Variants in DGKB observed in about 807,000 individuals in gnomAD.
The protein encoded by DGKB is diacylglycerol kinase beta, also known as 90 kDa diacylglycerol kinase.
In DGKB, 67 loss-of-function variants were observed where a neutral mutation model predicts 114.3. The ratio of observed to expected loss-of-function variants is 0.59; its 90% CI spans 0.48 to 0.72. The LOEUF is 0.72. Ranked by LOEUF, DGKB falls within the 30% of genes least tolerant of loss-of-function variation. The pLI is 0.00. For synonymous variants in DGKB, 398 were observed against 323.1 expected (o/e 1.23, Z -2.49); for missense variants, 907 against 975.2 (o/e 0.93, Z 0.93).
chr7:14,743,295 C>T (rs1192896963), intron 4 of DGKB, among the ~76,000 whole-genome samples: 1 of 152,084 alleles, frequency 6.6e-6, no homozygotes, highest in East Asian at 1.9e-4. Flanking sequence ...TGTAAATAGA[C>T]TGCCAAGGAA....
chr7:14,189,725 A>G (rs1278130984), intron 23 of DGKB, among the ~76,000 whole-genome samples: 3 of 152,206 alleles, frequency 2.0e-5, no homozygotes, highest in African/African-American at 7.2e-5. Context: ...TTCCGTGCAA[A>G]CAAAAACAAA....
chr7:14,517,282 C>T (rs1788972215), intron 20 of DGKB, among the ~76,000 whole-genome samples: 1 of 152,030 alleles, frequency 6.6e-6, no homozygotes, highest in Non-Finnish European at 1.5e-5. Flanking sequence ...GGACCCTTTC[C>T]TTATACCACA....
At position 14,357,974 on chromosome 7, in the gene DGKB, T is replaced by C. The variant is rs1354769700; in HGVS notation, c.1836-12583A>G. 3.9e-5 allele frequency among the ~76,000 whole-genome samples: 6 copies of C among 152,220 alleles called. No individual in the cohort carries two copies. The South Asian group carries it at 8.3e-4, about 21-fold the overall frequency. ...GCAGAGAGATCTGCTGTTAGTCTGA[T>C]GGGCTTCCCTTTGTGGGTAACCCGA... On this transcript the variant is annotated intron_variant, in intron 21 of 25. Transcript: ENST00000402815.
At chr7:14,508,881 G>C (rs1317033261) in intron 20 of DGKB, among the ~76,000 whole-genome samples, 1 of 152,046 alleles carries the variant, frequency 6.6e-6, no homozygotes, top group African/African-American at 2.4e-5. Flanking sequence ...ATTTATATAA[G>C]CATTTTCAGT....
intron 21 of DGKB, among the ~76,000 whole-genome samples, chr7:14,431,594 A>G (rs1204362159): frequency 6.6e-6 from 1 of 152,136 alleles, no homozygotes; most frequent in East Asian, 1.9e-4. Flanking sequence ...TTCTAAAGGC[A>G]ATACTCTAGG....
At chr7:14,271,825 G>A (rs892285381) in intron 23 of DGKB, among the ~76,000 whole-genome samples, 6 of 152,162 alleles carry the variant, frequency 3.9e-5, no homozygotes, top group Non-Finnish European at 7.4e-5. Flanking sequence ...CCAAGGGGGC[G>A]AGGGTACAGG....
At chr7:14,973,535 T>A (rs1302769049) in intron 1 of DGKB, among the ~76,000 whole-genome samples, 2 of 145,818 alleles carry the variant, frequency 1.4e-5, no homozygotes, top group Admixed American at 6.7e-5. Flanking sequence ...TTGTTTTTTT[T>A]TTCTTTTTTT....
chr7:14,336,655 C>G (rs947687732), intron 23 of DGKB, among the ~76,000 whole-genome samples: 1 of 152,136 alleles, frequency 6.6e-6, no homozygotes, highest in Non-Finnish European at 1.5e-5. Context: ...GTTACAGGCA[C>G]TGACAGCCTA....
At chr7:14,758,136 A>G (rs1449723476) in intron 2 of DGKB, among the ~76,000 whole-genome samples, 7 of 152,016 alleles carry the variant, frequency 4.6e-5, no homozygotes, top group African/African-American at 1.2e-4. Context: ...GTTGTGTCAC[A>G]TATTTTACCC....
Position 14,450,602 on chromosome 7 carries a change from A to T in DGKB, c.1835+27559T>A, listed in dbSNP as rs1282879895. Among the ~76,000 whole-genome samples the T allele has an allele frequency of 2.6e-5, 4 of 152,192 alleles. No homozygotes were observed. In the East Asian group the frequency reaches 7.7e-4, roughly 29 times the overall value. ...CTTCAGGTCAACACCTAAGAGTAGA[A>T]AAAAAATTCCTAAGTAAAATATGGC... On this transcript the variant is annotated intron_variant, in intron 21 of 25. Coordinates refer to ENST00000402815, the MANE Select transcript of DGKB (RefSeq NM_001350709.2).
At chr7:14,863,226 T>C (rs1014639193) in intron 1 of DGKB, among the ~76,000 whole-genome samples, 30 of 151,770 alleles carry the variant, frequency 2.0e-4, no homozygotes, top group African/African-American at 7.2e-4. Flanking sequence ...AGTTTGTGTG[T>C]GAATTGTCTC....
chr7:14,466,647 A>C (rs1262386687), intron 21 of DGKB, among the ~76,000 whole-genome samples: 1 of 35,460 alleles, frequency 2.8e-5, no homozygotes, highest in Non-Finnish European at 4.9e-5. Flanking sequence ...GAATAAACCA[A>C]AAAAAAAAAA....
chr7:14,345,024 G>A (rs76971812), intron 22 of DGKB, among the ~76,000 whole-genome samples: 31 of 151,550 alleles, frequency 2.0e-4, no homozygotes, highest in Middle Eastern at 3.4e-3. Context: ...CTTTCTATCT[G>A]CACTATGCCC....
intron 20 of DGKB, among the ~76,000 whole-genome samples, chr7:14,536,817 G>A (rs1187143912): frequency 6.9e-6 from 1 of 145,896 alleles, no homozygotes; most frequent in Non-Finnish European, 1.5e-5. Flanking sequence ...TCCTGGAAGT[G>A]CCAGCAAGAG....
chr7:14,647,761 C>G (rs917238583), intron 13 of DGKB, among the ~76,000 whole-genome samples: 2 of 152,180 alleles, frequency 1.3e-5, no homozygotes, highest in Admixed American at 6.5e-5. Context: ...GAGTGCCAGA[C>G]AGTGGGCGCA....
chr7:14,723,339 C>T (rs536944713), intron 5 of DGKB, among the ~76,000 whole-genome samples: 1 of 152,262 alleles, frequency 6.6e-6, no homozygotes, highest in South Asian at 2.1e-4. Flanking sequence ...CACACCCAGT[C>T]ATCAGTGAAA....
At chr7:14,470,552 C>A (rs1203452942) in intron 21 of DGKB, among the ~76,000 whole-genome samples, 1 of 151,782 alleles carries the variant, frequency 6.6e-6, no homozygotes, top group Non-Finnish European at 1.5e-5. Flanking sequence ...CCTGAAATAA[C>A]AGTTTAATTC....
At chr7:14,688,546 A>G (rs1371304019) in intron 9 of DGKB, among the ~76,000 whole-genome samples, 3 of 152,208 alleles carry the variant, frequency 2.0e-5, no homozygotes, top group Non-Finnish European at 4.4e-5. Flanking sequence ...AATAATTGAG[A>G]AAGATACCTA....
At chr7:14,587,402 G>C (rs190441564) in intron 17 of DGKB, among the ~76,000 whole-genome samples, 3 of 151,986 alleles carry the variant, frequency 2.0e-5, no homozygotes, top group African/African-American at 2.4e-5. Flanking sequence ...AAAAAAAGAG[G>C]GTTTCTTGAA....
Sources: allele counts gnomAD v4.1 joint callset (sites outside exome capture counted in the v4.1 genomes callset), GRCh38; gene constraint gnomAD v4.1.1; transcripts MANE v1.5; gene names NCBI Gene and HGNC (gene_info 2026-07-23, HGNC 2026-07-21).